TRERF1: variants seen among roughly 807,000 people sequenced by gnomAD.
TRERF1 encodes transcriptional-regulating factor 1.
Under a neutral mutation model 122.9 loss-of-function variants are expected in TRERF1, and 27 were observed. That is an observed-to-expected ratio of 0.22 (90% CI 0.16 to 0.30). The LOEUF (loss-of-function observed/expected upper bound fraction) is 0.30, where lower values mean the gene tolerates loss of function less well. TRERF1 is among the 10% of genes least tolerant of loss of function. The probability of loss-of-function intolerance (pLI) is 1.00; values close to 1 mark genes in which losing one functional copy is unlikely to be tolerated. For missense variants in TRERF1, 1,248 were observed against 1,560.3 expected, an observed-to-expected ratio of 0.80 and a Z score of 3.37; for synonymous variants, 636 against 641.7, an observed-to-expected ratio of 0.99 and a Z score of 0.13.
At chr6:42,407,448 A>G (rs1188002298) in intron 2 of TRERF1, among the ~76,000 whole-genome samples, 1 of 152,150 alleles carries the variant, frequency 6.6e-6, no homozygotes, top group Admixed American at 6.5e-5. Flanking sequence ...AACGAGGGAG[A>G]GTGGGCAAGG....
intron 2 of TRERF1, among the ~76,000 whole-genome samples, chr6:42,365,289 G>A (rs1224480568): frequency 2.6e-5 from 4 of 152,140 alleles, no homozygotes; most frequent in Non-Finnish European, 5.9e-5. Flanking sequence ...CCCTGCTCTA[G>A]CCAGAGGCCG....
At chr6:42,369,828 C>A (rs1384985456) in intron 2 of TRERF1, among the ~76,000 whole-genome samples, 3 of 152,182 alleles carry the variant, frequency 2.0e-5, no homozygotes, top group Non-Finnish European at 4.4e-5. Context: ...TTCACTCACC[C>A]TGCTCCTTAT....
intron 3 of TRERF1, among the ~76,000 whole-genome samples, chr6:42,330,845 A>T (rs1765117985): frequency 6.6e-6 from 1 of 151,588 alleles, no homozygotes; most frequent in Non-Finnish European, 1.5e-5. Context: ...TTATTTATTT[A>T]TTTTTGTATT....
intron 2 of TRERF1, among the ~76,000 whole-genome samples, chr6:42,374,987 C>T (rs1774558408): frequency 8.8e-6 from 1 of 113,248 alleles, no homozygotes; most frequent in South Asian, 2.7e-4. Flanking sequence ...GCCTGGGCAA[C>T]AGAGCAAGAT....
chr6:42,243,018 C>T (rs904020497), intron 15 of TRERF1, among the ~76,000 whole-genome samples: 5 of 152,182 alleles, frequency 3.3e-5, no homozygotes, highest in African/African-American at 9.7e-5. Flanking sequence ...CGGGCACCAG[C>T]CCTCACCTCT....
intron 7 of TRERF1, 135 bp downstream of exon 7, chr6:42,264,569 C>T (rs1399742529): frequency 2.4e-5 from 34 of 1,391,556 alleles, no homozygotes; most frequent in Non-Finnish European, 3.2e-5. Flanking sequence ...GCGCCAAAGC[C>T]TAAGCATTCC....
intron 1 of TRERF1, among the ~76,000 whole-genome samples, 149 bp downstream of exon 1, chr6:42,451,525 C>A (rs1015738001): frequency 2.6e-5 from 4 of 152,036 alleles, no homozygotes; most frequent in African/African-American, 4.8e-5. Context: ...TTACTCGGTC[C>A]GTCTACGCCT....
chr6:42,422,504 CAAAAAAA>C (rs70987594), intron 2 of TRERF1, among the ~76,000 whole-genome samples: 3 of 120,676 alleles, frequency 2.5e-5, no homozygotes. Context: ...ACCCTGTCTC[CAAAAAAA>C]AAAAAAAAAA....
At chr6:42,288,591 A>AG (rs1783701542) in intron 4 of TRERF1, among the ~76,000 whole-genome samples, 1 of 142,892 alleles carries the variant, frequency 7.0e-6, no homozygotes, top group African/African-American at 2.4e-5. Flanking sequence ...AAAAAAAAAA[A>AG]AAAAAGAGAG....
At chr6:42,391,442 C>T (rs1398179067) in intron 2 of TRERF1, among the ~76,000 whole-genome samples, 1 of 150,424 alleles carries the variant, frequency 6.6e-6, no homozygotes, top group Non-Finnish European at 1.5e-5. Flanking sequence ...ATTTCCCAGC[C>T]GGGGGGAACA....
chr6:42,240,591 G>C (rs1315795833), intron 15 of TRERF1, among the ~76,000 whole-genome samples: 1 of 152,214 alleles, frequency 6.6e-6, no homozygotes, highest in Non-Finnish European at 1.5e-5. Flanking sequence ...CTCTCTCTGG[G>C]TCTCAACTTT....
chr6:42,333,608 A>T (rs956396030), intron 3 of TRERF1, among the ~76,000 whole-genome samples: 27 of 152,132 alleles, frequency 1.8e-4, no homozygotes, highest in African/African-American at 6.5e-4. Flanking sequence ...CTGGACAAGG[A>T]TGCAAGGTTC....
At chr6:42,257,901 C>T (rs543908613) in intron 10 of TRERF1, among the ~76,000 whole-genome samples, 5 of 152,320 alleles carry the variant, frequency 3.3e-5, no homozygotes, top group African/African-American at 9.6e-5. Context: ...GACGCAGGGA[C>T]GCTAGGCTCT....
rs1052312604 is a variant in TRERF1, at chr6:42,356,351, G to A, written c.-371+6646C>T. Among the ~76,000 whole-genome samples the A allele has an allele frequency of 2.0e-5, 3 of 152,210 alleles. No homozygotes were observed. In the East Asian group the frequency reaches 5.8e-4, roughly 29 times the overall value. On this transcript the variant is annotated intron_variant, in intron 3 of 17. Transcript: ENST00000372922. ...GGTCTTTGAGAGATAATTAAGTTTA[G>A]GTAAGGTGAAGAGAGTGAAGCTCCC...
chr6:42,379,972 T>TA (rs1333202013), intron 2 of TRERF1, among the ~76,000 whole-genome samples: 2 of 152,050 alleles, frequency 1.3e-5, no homozygotes, highest in Non-Finnish European at 2.9e-5. Flanking sequence ...CAGACGGTGA[T>TA]AAAGGCTCTA....
intron 4 of TRERF1, among the ~76,000 whole-genome samples, chr6:42,284,734 T>G (rs1404550549): frequency 6.6e-6 from 1 of 152,184 alleles, no homozygotes; most frequent in Non-Finnish European, 1.5e-5. Context: ...TAGAGGCTGG[T>G]TAAAGACAGT....
chr6:42,391,362 T>C (rs1359979004), intron 2 of TRERF1, among the ~76,000 whole-genome samples: 3 of 152,226 alleles, frequency 2.0e-5, no homozygotes, highest in African/African-American at 4.8e-5. Context: ...ACTCTGGCTC[T>C]TAAATGCCTA....
chr6:42,433,605 A>C (rs766394115), intron 2 of TRERF1, among the ~76,000 whole-genome samples: 7 of 152,202 alleles, frequency 4.6e-5, no homozygotes, highest in Non-Finnish European at 8.8e-5. Context: ...TAAAATGCCC[A>C]GCACTCAAAC....
At chr6:42,410,429 G>A (rs758079476) in intron 2 of TRERF1, among the ~76,000 whole-genome samples, 4 of 152,216 alleles carry the variant, frequency 2.6e-5, no homozygotes, top group South Asian at 2.1e-4. Context: ...GATTACAGGC[G>A]TGAGCCACTG....
Sources: gnomAD v4.1 joint callset for allele counts (sites outside exome capture counted in the v4.1 genomes callset) on GRCh38, gnomAD v4.1.1 for gene constraint, MANE v1.5 for transcripts, NCBI Gene and HGNC (gene_info 2026-07-23, HGNC 2026-07-21) for gene names.